PKHD1L1: variants seen among roughly 807,000 people sequenced by gnomAD.
PKHD1L1 encodes PKHD1 like 1, also known as fibrocystin-L.
PKHD1L1 carries 434 observed loss-of-function variants against 462.9 expected under a neutral mutation model. The ratio of observed to expected loss-of-function variants is 0.94; its 90% CI spans 0.87 to 1.02. PKHD1L1 has a LOEUF of 1.02. Among genes scored for constraint, PKHD1L1 ranks in the 50% least tolerant of loss-of-function variants. The pLI is 0.00. For missense variants in PKHD1L1, 5,202 were observed against 5,096.1 expected, an observed-to-expected ratio of 1.02 and a Z score of -0.63; for synonymous variants, 1,781 against 1,750.0, an observed-to-expected ratio of 1.02 and a Z score of -0.44.
chr8:109,384,028 A>G, intron 4 of PKHD1L1, 42 bp from the exon 5 acceptor site: 1 of 1,339,532 alleles, frequency 7.5e-7, no homozygotes, highest in South Asian at 1.2e-5. Context: ...ACTAGAAACA[A>G]AACAGAGATA....
chr8:109,500,521 A>C (rs1319601520), intron 67 of PKHD1L1, among the ~76,000 whole-genome samples: 1 of 85,706 alleles, frequency 1.2e-5, no homozygotes, highest in African/African-American at 5.5e-5. Flanking sequence ...CTAAAAATAC[A>C]AAAAAAAAAA....
chr8:109,403,721 T>C (rs780072531), intron 14 of PKHD1L1, among the ~76,000 whole-genome samples: 1 of 152,228 alleles, frequency 6.6e-6, no homozygotes, highest in Non-Finnish European at 1.5e-5. Flanking sequence ...TCTACACATA[T>C]GAAACATGAT....
At chr8:109,383,700 G>A (rs989100779) in intron 4 of PKHD1L1, among the ~76,000 whole-genome samples, 1 of 151,472 alleles carries the variant, frequency 6.6e-6, no homozygotes, top group Admixed American at 6.6e-5. Flanking sequence ...AACTCTGTTT[G>A]GTTTTCTGGT....
At chr8:109,504,548 C>T (rs1448230285) in intron 68 of PKHD1L1, 56 bp downstream of exon 68, 3 of 1,087,038 alleles carry the variant, frequency 2.8e-6, no homozygotes, top group East Asian at 3.2e-5. Context: ...ATTCTCACTT[C>T]CTCCTGCTCA....
chr8:109,492,035 T>C (rs1818856963), intron 62 of PKHD1L1, 41 bp downstream of exon 62: 3 of 1,339,766 alleles, frequency 2.2e-6, no homozygotes, highest in African/African-American at 1.5e-5. Context: ...TTTATAATTA[T>C]ATCAGTTATT....
intron 38 of PKHD1L1, among the ~76,000 whole-genome samples, chr8:109,447,935 G>A (rs1322717813): frequency 2.0e-5 from 3 of 152,050 alleles, no homozygotes; most frequent in East Asian, 3.9e-4. Flanking sequence ...TAAACATTGA[G>A]ATAAATCACT....
Position 109,442,028 on chromosome 8 carries a change from G to T in PKHD1L1, c.4226G>T (p.Trp1409Leu), listed in dbSNP as rs1228962695. The change falls in exon 35 of 78, where the codon TGG (tryptophan) becomes TTG (leucine). Residue 1409 changes from tryptophan to leucine, a missense_variant. Physicochemically the swap from Trp to Leu is moderately conservative, Grantham distance 61. Coordinates refer to ENST00000378402, the MANE Select transcript of PKHD1L1 (RefSeq NM_177531.6). ...CCAGTACATGGATTAGGTTATGCCT[G>T]GTCACCACCAGTCCTAAATGTGTCT... ...KDSVHGLGYA[W>L]SPPVLNVSVG... 1.2e-6 allele frequency: 2 copies of T among 1,608,632 alleles called. No homozygotes were observed. The highest frequency in any genetic ancestry group is 3.4e-5 in the Admixed American group (2 of 59,196).
chr8:109,519,468 T>C (rs753806272), intron 73 of PKHD1L1, among the ~76,000 whole-genome samples: 2 of 152,118 alleles, frequency 1.3e-5, no homozygotes, highest in Non-Finnish European at 2.9e-5. Context: ...TTCTCTGCTC[T>C]ACATATGCAT....
chr8:109,497,351 T>C, intron 65 of PKHD1L1, 79 bp downstream of exon 65: 1 of 1,471,704 alleles, frequency 6.8e-7, no homozygotes, highest in Non-Finnish European at 9.3e-7. Context: ...CTAATAAGAA[T>C]AATCTCCTTA....
rs1563713330 is a variant in PKHD1L1 at position 109,372,997 on chromosome 8, TATCAGGATG to T, written c.163+8364_164-8362del. Among the ~76,000 whole-genome samples, 1,449 of 152,350 alleles carry T rather than the reference TATCAGGATG, an allele frequency of 9.5e-3. 20 individuals are homozygous for T. Among genetic ancestry groups the T allele is most frequent in the African/African-American group, 0.033 (1,367 of 41,574 alleles). On this transcript the variant is annotated intron_variant, in intron 2 of 77. Coordinates refer to ENST00000378402, the MANE Select transcript of PKHD1L1 (RefSeq NM_177531.6). ...TTGTTGCATCTCTGCCCAGCTTTGGTATCAGGATGATGCTGGCCTCATAAAATAAGTTAG... is the reference window on the plus strand; with the variant it reads ...TTGTTGCATCTCTGCCCAGCTTTGGTATGCTGGCCTCATAAAATAAGTTAG...
At chr8:109,444,586 T>G in intron 37 of PKHD1L1, 75 bp from the exon 38 acceptor site, 2 of 1,338,880 alleles carry the variant, frequency 1.5e-6, no homozygotes, top group Non-Finnish European at 2.0e-6. Flanking sequence ...AATTTGTAGT[T>G]GTTGCTAATA....
At chr8:109,490,148 C>A in intron 60 of PKHD1L1, 93 bp downstream of exon 60, 1 of 763,548 alleles carries the variant, frequency 1.3e-6, no homozygotes, top group Non-Finnish European at 2.0e-6. Context: ...CTTATATTAG[C>A]TAAAATTATA....
rs767578638 is a variant in PKHD1L1 at position 109,479,677 on chromosome 8, T to C, written c.9178+38T>C. ...ACACAAATGAATGAAATGTTTGTTT[T>C]CTGCAATATTAACACTATGGCAGGG... On this transcript the variant is annotated intron_variant, in intron 54 of 77. Coordinates refer to ENST00000378402, the MANE Select transcript of PKHD1L1 (RefSeq NM_177531.6). 21 of 1,310,452 alleles carry C rather than the reference T, an allele frequency of 1.6e-5. No homozygotes were observed. The East Asian group carries it at 4.9e-4, about 31-fold the overall frequency. 81.2% of individuals were successfully genotyped at this position (1,310,452 alleles called of 1,614,324 possible). A position where few individuals can be genotyped will look rare whatever the true frequency, so the allele number is the denominator to read the frequency against.
Position 109,452,811 on chromosome 8 carries a change from A to G in PKHD1L1, c.6601A>G (p.Thr2201Ala). The G allele has an allele frequency of 6.5e-7, 1 of 1,537,194 alleles. No homozygotes were observed. Among genetic ancestry groups the G allele is most frequent in the Non-Finnish European group, 8.7e-7 (1 of 1,144,466 alleles). The change falls in exon 43 of 78, where the codon ACA becomes GCA. Residue 2201 changes from threonine to alanine, a missense_variant. Transcript: ENST00000378402. ...PPEEGSLVVI[T>A]KGQTILLDQS... ...AGAAGAAGGATCTCTTGTTGTTATT[A>G]CAAAAGGACAGACCATTCTGCTGGA...
At position 109,530,158 on chromosome 8, in the gene PKHD1L1, G is replaced by T. The variant is rs939818416; in HGVS notation, c.*68G>T. 1 of 976,710 alleles carries T rather than the reference G, an allele frequency of 1.0e-6. No individual in the cohort carries two copies. The highest frequency in any genetic ancestry group is 1.4e-6 in the Non-Finnish European group (1 of 714,858). The allele number at this position is 976,710 out of a possible 1,614,324, so 60.5% of individuals were successfully genotyped here. On this transcript the variant is annotated 3_prime_UTR_variant, in exon 78 of 78. Coordinates refer to ENST00000378402, the MANE Select transcript of PKHD1L1 (RefSeq NM_177531.6). ...TATTAGCTACTTTGTTGGGCAATAG[G>T]CAAAAGTCTATAGCATTTTCATGAA...
chr8:109,435,050 T>G, intron 28 of PKHD1L1, 140 bp from the exon 29 acceptor site: 1 of 799,228 alleles, frequency 1.3e-6, no homozygotes, highest in Non-Finnish European at 1.9e-6. Context: ...CCCCCACACA[T>G]TAATATATGA....
chr8:109,424,356 T>C (rs1204761881), intron 23 of PKHD1L1, among the ~76,000 whole-genome samples: 3 of 152,202 alleles, frequency 2.0e-5, no homozygotes, highest in Non-Finnish European at 4.4e-5. Context: ...TGAACAACTT[T>C]TGCATTATTT....
chr8:109,498,087 CTT>C (rs71305953), intron 65 of PKHD1L1, among the ~76,000 whole-genome samples: 2 of 58,966 alleles, frequency 3.4e-5, no homozygotes, highest in Non-Finnish European at 6.0e-5. Context: ...ATCATGTTTT[CTT>C]TTTTTTTTTT....
At chr8:109,468,093 A>G (rs1203389870) in intron 50 of PKHD1L1, among the ~76,000 whole-genome samples, 2 of 152,192 alleles carry the variant, frequency 1.3e-5, no homozygotes, top group South Asian at 4.1e-4. Flanking sequence ...AAAATTTTAA[A>G]CGATGTATCT....
Sources: allele counts gnomAD v4.1 joint callset (sites outside exome capture counted in the v4.1 genomes callset), GRCh38; gene constraint gnomAD v4.1.1; transcripts MANE v1.5; gene names NCBI Gene and HGNC (gene_info 2026-07-23, HGNC 2026-07-21).